The following PER2 variants were observed in gnomAD, a reference collection of about 807,000 sequenced individuals.
PER2 encodes the protein period circadian regulator 2.
In PER2, 66 loss-of-function variants were observed where a neutral mutation model predicts 121.0. The ratio of observed to expected loss-of-function variants is 0.55; its 90% CI spans 0.45 to 0.67. PER2 has a LOEUF of 0.67. Ranked by LOEUF, PER2 falls within the 30% of genes least tolerant of loss-of-function variation. The pLI, the probability that PER2 is intolerant of heterozygous loss-of-function variation, is 0.00. For missense variants in PER2, 1,521 were observed against 1,635.0 expected, an observed-to-expected ratio of 0.93 and a Z score of 1.20; for synonymous variants, 684 against 659.9, an observed-to-expected ratio of 1.04 and a Z score of -0.56.
At chr2:238,260,445 G>A (rs899798050) in intron 13 of PER2, among the ~76,000 whole-genome samples, 4 of 151,958 alleles carry the variant, frequency 2.6e-5, no homozygotes, top group Admixed American at 1.3e-4. Context: ...TAGTAGAGAC[G>A]GGGTTTCACC....
intron 1 of PER2, among the ~76,000 whole-genome samples, chr2:238,284,271 G>C (rs573311716): frequency 6.6e-6 from 1 of 151,916 alleles, no homozygotes; most frequent in African/African-American, 2.4e-5. Context: ...GGTGAAACCC[G>C]TCTCTACTAA....
chr2:238,259,921 G>T, intron 14 of PER2, 48 bp downstream of exon 14: 1 of 867,030 alleles, frequency 1.2e-6, no homozygotes, highest in Non-Finnish European at 1.9e-6. Flanking sequence ...TTCTCATGTG[G>T]CCATACTCTA....
Position 238,273,132 on chromosome 2 carries a change from C to G in PER2, c.508G>C (p.Val170Leu), listed in dbSNP as rs775575594. 5 of 1,612,796 alleles carry G rather than the reference C, an allele frequency of 3.1e-6. No individual in the cohort carries two copies. Among genetic ancestry groups the G allele is most frequent in the Non-Finnish European group, 4.2e-6 (5 of 1,178,766 alleles). The change falls in exon 5 of 23, where the codon GTG (valine) becomes CTG (leucine). Residue 170 changes from valine (V) to leucine (L), a missense_variant. Coordinates refer to ENST00000254657, the MANE Select transcript of PER2 (RefSeq NM_022817.3). ...ATCTCCTCCACGGTGTAGGAGGGCA[C>G]GTCTGCTCCACAGGGGTGACCCTCG... is the stretch of plus-strand genomic sequence containing the variant. ...SSEGHPCGAD[V>L]PSYTVEEMES...
intron 18 of PER2, chr2:238,254,291 A>G (rs1695695456): frequency 6.2e-6 from 1 of 160,384 alleles, no homozygotes; most frequent in Admixed American, 6.0e-5. Flanking sequence ...GAGGGACTCA[A>G]TTGGTAAAGG....
At chr2:238,298,046 T>A in the PER2 span, among the ~76,000 whole-genome samples, 4 of 150,928 alleles carry the variant, frequency 2.7e-5, no homozygotes, top group Non-Finnish European at 5.9e-5. Flanking sequence ...TTTTTTTTTT[T>A]TTGTGATACG....
rs762528338 is a variant in PER2 at position 238,260,953 on chromosome 2, G to A, written c.1417C>T (p.Pro473Ser). Residue 473 changes from proline (P) to serine (S), a missense_variant and splice_region_variant, in exon 13 of 23, where the codon CCC becomes TCC. Coordinates refer to ENST00000254657, the MANE Select transcript of PER2 (RefSeq NM_022817.3). ...TEQIHRLLLQPVPHSGSSGYG... is the reference protein window; with the variant it reads ...TEQIHRLLLQSVPHSGSSGYG... ...CCACTGGAGCCGCTGTGGGGGACGG[G>A]CTGGGGAGACAGCAGACAGCGCTAC... 4 of 1,612,546 alleles carry A rather than the reference G, an allele frequency of 2.5e-6. No individual in the cohort carries two copies. The East Asian group carries it at 8.9e-5, about 36-fold the overall frequency.
chr2:238,277,101 C>G, intron 3 of PER2, 30 bp downstream of exon 3: 1 of 1,497,166 alleles, frequency 6.7e-7, no homozygotes. Context: ...TCTCTAAAAC[C>G]TCTATGTATG....
Position 238,253,023 on chromosome 2 carries a change from A to G in PER2, c.3000T>C (p.Pro1000=). The change falls in exon 19 of 23, where the codon CCT becomes CCC. Residue 1000 remains proline, a synonymous_variant. Transcript: ENST00000254657. The surrounding 1 kb of genome is among the most constrained non-coding windows in gnomAD (Gnocchi z 5.6). The part of the protein sequence containing the change: ...QLNLLQLEEA[P]EGGTGAMGTT... ...TCCCCATGGCTCCAGTGCCACCCTC[A>G]GGGGCTTCCTCCAGCTGCAGCAGGT... The G allele has an allele frequency of 1.2e-6, 2 of 1,613,818 alleles. No homozygotes were observed. The highest frequency in any genetic ancestry group is 2.2e-5 in the South Asian group (2 of 91,056).
intron 1 of PER2, among the ~76,000 whole-genome samples, chr2:238,282,394 T>C (rs1696655278): frequency 1.3e-5 from 2 of 152,108 alleles, no homozygotes; most frequent in Non-Finnish European, 2.9e-5. Flanking sequence ...GCCTCCCCTC[T>C]GGGACCTAAG....
chr2:238,263,460 G>A (rs1456644462), intron 9 of PER2, among the ~76,000 whole-genome samples: 1 of 151,990 alleles, frequency 6.6e-6, no homozygotes, highest in Non-Finnish European at 1.5e-5. Context: ...CCCTTTGTAT[G>A]TGCTTCTTTT....
At chr2:238,262,431 C>A in intron 10 of PER2, 87 bp from the exon 11 acceptor site, 1 of 1,366,764 alleles carries the variant, frequency 7.3e-7, no homozygotes, top group Non-Finnish European at 1.0e-6. Context: ...TCACTCAGGC[C>A]CAGGATCATT....
chr2:238,292,244 C>T (rs1359366941), upstream of PER2, among the ~76,000 whole-genome samples: 1 of 152,204 alleles, frequency 6.6e-6, no homozygotes, highest in Non-Finnish European at 1.5e-5. Context: ...AATATAGATC[C>T]AGGGAGGCTG....
upstream of PER2, among the ~76,000 whole-genome samples, chr2:238,293,740 AAAAAAAAAGAAAGAAAAAG>A (rs1336998143): frequency 3.3e-5 from 5 of 151,802 alleles, no homozygotes; most frequent in South Asian, 2.1e-4. Context: ...GTCTCAAAAA[AAAAAAAAAGAAAGAAAAAG>A]AAAAAAAAGA....
At chr2:238,280,393 A>T (rs1436279766) in intron 1 of PER2, among the ~76,000 whole-genome samples, 1 of 152,226 alleles carries the variant, frequency 6.6e-6, no homozygotes, top group African/African-American at 2.4e-5. Context: ...AAGAAAGCCA[A>T]CACGGGGCTG....
At chr2:238,267,673 C>T (rs1192934909) in intron 8 of PER2, among the ~76,000 whole-genome samples, 1 of 152,154 alleles carries the variant, frequency 6.6e-6, no homozygotes, top group Non-Finnish European at 1.5e-5. Context: ...GTGCCCTTCA[C>T]AGGGGCCCAT....
In PER2 at chr2:238,271,300, C is replaced by T. The variant is rs760044782; in HGVS notation, c.772+12G>A. 7.4e-6 allele frequency: 12 copies of T among 1,610,976 alleles called. No individual in the cohort carries two copies. The East Asian group carries it at 1.6e-4, about 21-fold the overall frequency. ...CCCCAGAGGGAACAAGGCACTACCT[C>T]GATAACCTCACCTGCTCCACTGCAC... On this transcript the variant is annotated intron_variant, in intron 6 of 22. Transcript: ENST00000254657.
chr2:238,295,105 G>C, the PER2 span, among the ~76,000 whole-genome samples: 1 of 152,220 alleles, frequency 6.6e-6, no homozygotes, highest in Non-Finnish European at 1.5e-5. Context: ...TTCCTTTGGT[G>C]TTTGGGTGTC....
At chr2:238,261,610 A>G in intron 12 of PER2, 119 bp downstream of exon 12, 1 of 722,734 alleles carries the variant, frequency 1.4e-6, no homozygotes, top group South Asian at 1.5e-5. Flanking sequence ...GGATGTTCAG[A>G]GAATGACAGA....
intron 17 of PER2, 110 bp from the exon 18 acceptor site, chr2:238,256,021 G>GCCACAGGCATCATGAA: frequency 7.5e-7 from 1 of 1,335,172 alleles, no homozygotes; most frequent in Non-Finnish European, 1.1e-6. Flanking sequence ...GTAATTTCAT[G>GCCACAGGCATCATGAA]ATGCCTGTGG....
Sources: gnomAD v4.1 joint callset for allele counts (sites outside exome capture counted in the v4.1 genomes callset) on GRCh38, gnomAD v4.1.1 for gene constraint, Gnocchi (gnomAD v3.1) non-coding constraint, MANE v1.5 for transcripts, NCBI Gene and HGNC (gene_info 2026-07-23, HGNC 2026-07-21) for gene names.